Variants in SLC39A14 observed in about 807,000 individuals in gnomAD.
SLC39A14 encodes the protein solute carrier family 39 member 14.
Under a neutral mutation model 45.5 loss-of-function variants are expected in SLC39A14, and 19 were observed. The ratio of observed to expected loss-of-function variants is 0.42; its 90% CI spans 0.29 to 0.61. The LOEUF (loss-of-function observed/expected upper bound fraction) is 0.61, where lower values mean the gene tolerates loss of function less well. Among genes scored for constraint, SLC39A14 ranks in the 20% least tolerant of loss-of-function variants. The probability of loss-of-function intolerance (pLI) is 0.22; values close to 1 mark genes in which losing one functional copy is unlikely to be tolerated. For missense variants in SLC39A14, 447 were observed against 616.5 expected, an observed-to-expected ratio of 0.73 and a Z score of 2.91; for synonymous variants, 264 against 251.3, an observed-to-expected ratio of 1.05 and a Z score of -0.48.
chr8:22,401,582 C>T (rs1051844163), intron 1 of SLC39A14, among the ~76,000 whole-genome samples: 8 of 100,652 alleles, frequency 7.9e-5, no homozygotes, highest in Non-Finnish European at 1.5e-4. Flanking sequence ...GAATCTTGCT[C>T]TGTCCCCCAG....
chr8:22,399,966 C>G (rs373401435), intron 1 of SLC39A14, among the ~76,000 whole-genome samples: 1 of 152,144 alleles, frequency 6.6e-6, no homozygotes, highest in Non-Finnish European at 1.5e-5. Context: ...CCCCAGAGCA[C>G]GAGCACTGTG....
At position 22,407,189 on chromosome 8, in the gene SLC39A14, C is replaced by T. The variant is rs1395641672; in HGVS notation, c.271-1121C>T. Among the ~76,000 whole-genome samples the T allele has an allele frequency of 2.0e-5, 3 of 152,170 alleles. No individual in the cohort carries two copies. In the East Asian group the frequency reaches 5.8e-4, roughly 29 times the overall value. The stretch of plus-strand genomic sequence containing the variant: ...GTCCTATGGTTGAGGATGTGTGGGG[C>T]TGATCGGGCAGCACCACAGTTTTGG... On this transcript the variant is annotated intron_variant, in intron 2 of 8. Transcript: ENST00000381237.
chr8:22,396,193 C>G (rs1450057406), intron 1 of SLC39A14, among the ~76,000 whole-genome samples: 1 of 151,432 alleles, frequency 6.6e-6, no homozygotes, highest in African/African-American at 2.4e-5. Context: ...ATGGTGAAAC[C>G]CTGTCTCTAC....
At chr8:22,370,859 G>A (rs1437680438) in intron 1 of SLC39A14, among the ~76,000 whole-genome samples, 1 of 152,124 alleles carries the variant, frequency 6.6e-6, no homozygotes, top group African/African-American at 2.4e-5. Flanking sequence ...CTGCAGTGGG[G>A]CTTCTCTGAC....
chr8:22,422,730 TG>T lies in SLC39A14; in HGVS notation c.*3033del. 1 of 985,088 alleles carries T rather than the reference TG, an allele frequency of 1.0e-6. No homozygotes were observed. Among genetic ancestry groups the T allele is most frequent in the South Asian group, 4.7e-5 (1 of 21,270 alleles). The allele number at this position is 985,088 out of a possible 1,614,324, so 61.0% of individuals were successfully genotyped here. A position where few individuals can be genotyped will look rare whatever the true frequency, so the allele number is the denominator to read the frequency against. On this transcript the variant is annotated 3_prime_UTR_variant, in exon 9 of 9. Transcript: ENST00000381237. ...CAATAAATGTGGATGTAATGAAGGC[TG>T]TTGAACACAAGGTGGCGATGGTGTC...
chr8:22,382,285 A>C (rs1342333944), intron 1 of SLC39A14, among the ~76,000 whole-genome samples: 1 of 152,244 alleles, frequency 6.6e-6, no homozygotes, highest in Non-Finnish European at 1.5e-5. Context: ...TTTTTAACCT[A>C]TCAAATTATA....
chr8:22,398,774 T>C (rs991444242), intron 1 of SLC39A14: 1 of 985,066 alleles, frequency 1.0e-6, no homozygotes, highest in Non-Finnish European at 1.2e-6. Context: ...GCAGAGCTAC[T>C]TCTGGACCAA....
intron 1 of SLC39A14, among the ~76,000 whole-genome samples, chr8:22,391,555 T>A (rs529000810): frequency 2.0e-5 from 3 of 152,034 alleles, no homozygotes; most frequent in Admixed American, 2.0e-4. Context: ...GGAAAGTGGT[T>A]CTGAGCTCCC....
intron 1 of SLC39A14, among the ~76,000 whole-genome samples, chr8:22,383,846 C>G (rs1405918426): frequency 6.6e-6 from 1 of 152,204 alleles, no homozygotes; most frequent in Non-Finnish European, 1.5e-5. Context: ...TGTTTTCCAT[C>G]TGATGGGCTG....
At chr8:22,432,159 C>T (rs1189701532) in intron 8 of SLC39A14, among the ~76,000 whole-genome samples, 1 of 151,904 alleles carries the variant, frequency 6.6e-6, no homozygotes, top group Non-Finnish European at 1.5e-5. Flanking sequence ...AGGAAGACCC[C>T]CCATCTCTAA....
rs548846516 is a variant in SLC39A14 at position 22,414,793 on chromosome 8, A to G, written c.641A>G (p.Asn214Ser). 3.7e-6 allele frequency: 6 copies of G among 1,607,298 alleles called. No homozygotes were observed. The highest frequency in any genetic ancestry group is 2.2e-5 in the East Asian group (1 of 44,830). The change falls in exon 5 of 9, where the codon AAC becomes AGC. Residue 214 changes from asparagine (N) to serine (S), a missense_variant. By Grantham distance (46) the Asn-to-Ser change is conservative. Coordinates refer to ENST00000381237, the MANE Select transcript of SLC39A14 (RefSeq NM_001128431.4). ...FQLIPEAFGF[N>S]PLEDYYVSKS... ...CTGGGTCCACAGGCATTTGGTTTCA[A>G]CCCTCTGGAAGATTATTATGTCTCC...
At chr8:22,386,267 CTTT>C (rs113517662) in intron 1 of SLC39A14, among the ~76,000 whole-genome samples, 2 of 131,952 alleles carry the variant, frequency 1.5e-5, no homozygotes, top group Admixed American at 7.7e-5. Context: ...AGAAGGATGA[CTTT>C]TTTTTTTTTT....
intron 2 of SLC39A14, among the ~76,000 whole-genome samples, chr8:22,407,050 C>T (rs1263988177): frequency 1.3e-5 from 2 of 152,240 alleles, no homozygotes; most frequent in East Asian, 1.9e-4. Flanking sequence ...TACCTGCTGC[C>T]TCCCAAGGTG....
chr8:22,381,511 C>G (rs890803983), intron 1 of SLC39A14, among the ~76,000 whole-genome samples: 1 of 152,080 alleles, frequency 6.6e-6, no homozygotes, highest in Non-Finnish European at 1.5e-5. Context: ...ACCTCATGAT[C>G]CGCCCGCCTC....
chr8:22,375,716 G>A (rs1055317209), intron 1 of SLC39A14, among the ~76,000 whole-genome samples: 3 of 151,962 alleles, frequency 2.0e-5, no homozygotes, highest in Non-Finnish European at 4.4e-5. Flanking sequence ...TCTCAAACTC[G>A]ACCTCAGGTG....
At chr8:22,433,569 G>C (rs1836499377) in intron 8 of SLC39A14, among the ~76,000 whole-genome samples, 1 of 141,662 alleles carries the variant, frequency 7.1e-6, no homozygotes, top group Non-Finnish European at 1.5e-5. Context: ...TTTGAGACAG[G>C]GTCTCACTCT....
chr8:22,389,171 T>C (rs1379870926), intron 1 of SLC39A14, among the ~76,000 whole-genome samples: 2 of 152,212 alleles, frequency 1.3e-5, no homozygotes, highest in Non-Finnish European at 2.9e-5. Flanking sequence ...CATGATCACC[T>C]GAGCACTTAG....
rs3052256 is a variant in SLC39A14 at position 22,404,715 on chromosome 8, AGCTGCT to A, written c.14_19del (p.Leu5_Leu6del). 338,223 of 1,610,574 alleles carry A rather than the reference AGCTGCT, an allele frequency of 0.21. 43,103 individuals carry two copies. Among genetic ancestry groups the A allele is most frequent in the African/African-American group, 0.63 (47,015 of 74,570 alleles). ...TCACAGGTTTATTCAGTCACCATGA[AGCTGCT>A]GCTGCTGCACCCGGCCTTCCAGAGC... On this transcript the variant is annotated inframe_deletion, in exon 2 of 9. Transcript: ENST00000381237.
intron 1 of SLC39A14, among the ~76,000 whole-genome samples, chr8:22,403,093 T>C (rs900198818): frequency 1.1e-4 from 16 of 149,734 alleles, no homozygotes; most frequent in African/African-American, 2.0e-4. Context: ...TCTCCTGCCT[T>C]AGCCTCCCGA....
Sources: allele counts gnomAD v4.1 joint callset (sites outside exome capture counted in the v4.1 genomes callset), GRCh38; gene constraint gnomAD v4.1.1; transcripts MANE v1.5; gene names NCBI Gene and HGNC (gene_info 2026-07-23, HGNC 2026-07-21).